STK32B: variants seen among roughly 807,000 people sequenced by gnomAD.
The protein encoded by STK32B is serine/threonine kinase 32B, also known as serine/threonine-protein kinase 32B.
In STK32B, 43 loss-of-function variants were observed where a neutral mutation model predicts 52.6. That is an observed-to-expected ratio of 0.82 (90% CI 0.64 to 1.05). STK32B has a LOEUF of 1.05. Among genes scored for constraint, STK32B ranks in the 50% least tolerant of loss-of-function variants. The probability of loss-of-function intolerance (pLI) is 0.00; values close to 1 mark genes in which losing one functional copy is unlikely to be tolerated. For synonymous variants in STK32B, 238 were observed against 204.3 expected, an observed-to-expected ratio of 1.17 and a Z score of -1.41; for missense variants, 621 against 534.6, an observed-to-expected ratio of 1.16 and a Z score of -1.59.
At chr4:5,141,184 C>T (rs1044448292) in intron 2 of STK32B, among the ~76,000 whole-genome samples, 13 of 152,324 alleles carry the variant, frequency 8.5e-5, no homozygotes, top group Admixed American at 5.9e-4. Flanking sequence ...TAGCCAGTGG[C>T]TACTGTATTG....
At chr4:5,457,964 GGAAA>G (rs1331281814) in intron 8 of STK32B, among the ~76,000 whole-genome samples, 1 of 149,448 alleles carries the variant, frequency 6.7e-6, no homozygotes, top group Non-Finnish European at 1.5e-5. Flanking sequence ...AGGAAGGAAA[GGAAA>G]GAAGGAAGGA....
chr4:5,274,925 T>G (rs1208361657), intron 3 of STK32B, among the ~76,000 whole-genome samples: 1 of 152,194 alleles, frequency 6.6e-6, no homozygotes, highest in Non-Finnish European at 1.5e-5. Context: ...GCTAAAGGCT[T>G]GCCATTGTTC....
intron 3 of STK32B, among the ~76,000 whole-genome samples, chr4:5,295,541 A>G (rs1051646309): frequency 1.1e-4 from 17 of 151,710 alleles, no homozygotes; most frequent in Non-Finnish European, 1.5e-5. Flanking sequence ...TTTCTTCTAG[A>G]TTTTCTAGTT....
chr4:5,285,500 A>G (rs1728489582), intron 3 of STK32B, among the ~76,000 whole-genome samples: 1 of 152,210 alleles, frequency 6.6e-6, no homozygotes, highest in African/African-American at 2.4e-5. Context: ...GAAAAAGATA[A>G]ACCAAGAAAA....
At chr4:5,019,462 G>C in the STK32B span, 1 of 1,446,928 alleles carries the variant, frequency 6.9e-7, no homozygotes, top group South Asian at 1.4e-5. Context: ...AGGCGCTGGT[G>C]CAGCCTCGCC....
rs1713513384 is a variant in STK32B, at chr4:5,430,792, G to C, written c.562+13858G>C. Among the ~76,000 whole-genome samples, 3 of 152,170 alleles carry C rather than the reference G, an allele frequency of 2.0e-5. No individual in the cohort carries two copies. The South Asian group carries it at 6.2e-4, about 32-fold the overall frequency. ...TTCTGTGGTTATTTTCAAAATACCAGCTTTAGAGTTGGGTTTTAGTGTGGT... is the reference window on the plus strand; with the variant it reads ...TTCTGTGGTTATTTTCAAAATACCACCTTTAGAGTTGGGTTTTAGTGTGGT... On this transcript the variant is annotated intron_variant, in intron 6 of 11. Transcript: ENST00000282908.
intron 3 of STK32B, among the ~76,000 whole-genome samples, chr4:5,255,500 A>G (rs1726236905): frequency 1.3e-5 from 2 of 152,140 alleles, no homozygotes; most frequent in Admixed American, 6.5e-5. Context: ...CATTTCTTAC[A>G]TACATATGCT....
At chr4:5,255,445 C>T (rs1308834714) in intron 3 of STK32B, among the ~76,000 whole-genome samples, 3 of 151,960 alleles carry the variant, frequency 2.0e-5, no homozygotes, top group East Asian at 3.9e-4. Context: ...ATTTAGGTAA[C>T]ATACATACAG....
intron 3 of STK32B, among the ~76,000 whole-genome samples, chr4:5,305,675 A>G (rs1251761734): frequency 6.6e-6 from 1 of 151,654 alleles, no homozygotes; most frequent in Non-Finnish European, 1.5e-5. Context: ...TATCTTTTAT[A>G]TTGTTTTTTG....
intron 5 of STK32B, among the ~76,000 whole-genome samples, chr4:5,415,677 G>A (rs1441214411): frequency 2.6e-5 from 4 of 152,214 alleles, no homozygotes; most frequent in Admixed American, 6.5e-5. Flanking sequence ...CCTTGCTGCT[G>A]CATCTCACCT....
intron 6 of STK32B, among the ~76,000 whole-genome samples, chr4:5,429,376 T>G (rs1713370472): frequency 1.3e-5 from 2 of 152,266 alleles, no homozygotes; most frequent in African/African-American, 4.8e-5. Flanking sequence ...TTTTTCTTCC[T>G]TATTTTGGAT....
At chr4:5,335,103 G>C (rs1215700291) in intron 4 of STK32B, among the ~76,000 whole-genome samples, 1 of 152,074 alleles carries the variant, frequency 6.6e-6, no homozygotes, top group African/African-American at 2.4e-5. Context: ...AATCCATCTG[G>C]TCCTGGACTC....
chr4:5,341,995 C>T (rs1733114578), intron 4 of STK32B, among the ~76,000 whole-genome samples: 1 of 152,134 alleles, frequency 6.6e-6, no homozygotes, highest in African/African-American at 2.4e-5. Context: ...TCCCTCCCCT[C>T]TCCCCCTACT....
At chr4:5,448,207 T>A (rs950490349) in intron 7 of STK32B, among the ~76,000 whole-genome samples, 1 of 152,248 alleles carries the variant, frequency 6.6e-6, no homozygotes, top group African/African-American at 2.4e-5. Context: ...TTATTATACA[T>A]TGCATTCTTA....
At chr4:5,048,785 C>T (rs1210309025), upstream of STK32B, among the ~76,000 whole-genome samples, 1 of 152,204 alleles carries the variant, frequency 6.6e-6, no homozygotes, top group African/African-American at 2.4e-5. Flanking sequence ...GTTGGCTTAG[C>T]CTATTTGTGC....
chr4:5,497,674 C>T (rs570508072), intron 11 of STK32B, among the ~76,000 whole-genome samples: 3 of 151,702 alleles, frequency 2.0e-5, no homozygotes, highest in African/African-American at 7.3e-5. Flanking sequence ...ACTCAAGTAC[C>T]AGCATTGTTG....
chr4:5,293,313 C>G (rs9993373), intron 3 of STK32B, among the ~76,000 whole-genome samples: 32,227 of 151,798 alleles, frequency 0.21, 4,808 homozygotes, highest in African/African-American at 0.43. Flanking sequence ...CCAGTAATGA[C>G]ATTACTGGGT....
At chr4:5,339,314 T>G (rs1210223096) in intron 4 of STK32B, among the ~76,000 whole-genome samples, 2 of 152,310 alleles carry the variant, frequency 1.3e-5, no homozygotes, top group African/African-American at 4.8e-5. Flanking sequence ...ATATTCTATT[T>G]CTTTTGTTTT....
chr4:5,397,309 GTTC>G (rs553100686), intron 4 of STK32B, among the ~76,000 whole-genome samples: 293 of 152,326 alleles, frequency 1.9e-3, no homozygotes, highest in Middle Eastern at 3.4e-3. Flanking sequence ...GGTTGAAGTT[GTTC>G]TTCTCTCACT....
Sources: gnomAD v4.1 joint callset for allele counts (sites outside exome capture counted in the v4.1 genomes callset) on GRCh38, gnomAD v4.1.1 for gene constraint, MANE v1.5 for transcripts, NCBI Gene and HGNC (gene_info 2026-07-23, HGNC 2026-07-21) for gene names.